Variants in PEX14 observed in about 807,000 individuals in gnomAD.
PEX14 encodes peroxisomal biogenesis factor 14.
PEX14 carries 15 observed loss-of-function variants against 49.5 expected under a neutral mutation model. The ratio of observed to expected loss-of-function variants is 0.30; its 90% CI spans 0.20 to 0.47. The LOEUF is 0.47. Ranked by LOEUF, PEX14 falls within the 20% of genes least tolerant of loss-of-function variation. The probability of loss-of-function intolerance (pLI) is 1.00; values close to 1 mark genes in which losing one functional copy is unlikely to be tolerated. For missense variants in PEX14, 398 were observed against 494.8 expected (o/e 0.80, Z 1.86); for synonymous variants, 210 against 212.7 (o/e 0.99, Z 0.11).
intron 3 of PEX14, among the ~76,000 whole-genome samples, chr1:10,562,457 C>A (rs1036139198): frequency 6.6e-6 from 1 of 152,162 alleles, no homozygotes; most frequent in Non-Finnish European, 1.5e-5. Context: ...GAACAATGTC[C>A]TGCAGTCTTC....
chr1:10,564,401 G>T (rs1444183145), intron 3 of PEX14, among the ~76,000 whole-genome samples: 1 of 149,648 alleles, frequency 6.7e-6, no homozygotes, highest in Non-Finnish European at 1.5e-5. Context: ...TTCAATTATT[G>T]CATTTTACAA....
At chr1:10,533,828 A>G (rs1326966683) in intron 2 of PEX14, among the ~76,000 whole-genome samples, 1 of 152,216 alleles carries the variant, frequency 6.6e-6, no homozygotes, top group African/African-American at 2.4e-5. Context: ...TGCCTACACT[A>G]GGCTGATTAA....
chr1:10,535,613 A>G (rs1246222912), intron 2 of PEX14, among the ~76,000 whole-genome samples: 1 of 152,196 alleles, frequency 6.6e-6, no homozygotes, highest in Non-Finnish European at 1.5e-5. Context: ...TTGGGGAGGC[A>G]GGCTGAACAT....
rs932423962 is a variant in PEX14, at chr1:10,513,694, A to G, written c.84+18373A>G. On this transcript the variant is annotated intron_variant, in intron 2 of 8. Coordinates refer to ENST00000356607, the MANE Select transcript of PEX14 (RefSeq NM_004565.3). ...GCTGAGCTATCCAGCAGGGGTGCCAATTCTTCCATTTAGCTGACTATTATA... is the reference window on the plus strand; with the variant it reads ...GCTGAGCTATCCAGCAGGGGTGCCAGTTCTTCCATTTAGCTGACTATTATA... 3.9e-5 allele frequency among the ~76,000 whole-genome samples: 6 copies of G among 152,202 alleles called. No individual in the cohort carries two copies. In the East Asian group the frequency reaches 7.7e-4, roughly 20 times the overall value.
intron 3 of PEX14, among the ~76,000 whole-genome samples, chr1:10,560,214 T>A (rs1184091636): frequency 2.0e-5 from 3 of 151,620 alleles, no homozygotes; most frequent in African/African-American, 7.3e-5. Flanking sequence ...CCCGCCACCA[T>A]GCCCAGCTAA....
chr1:10,582,922 C>A (rs1013384018), intron 3 of PEX14, among the ~76,000 whole-genome samples: 1 of 151,870 alleles, frequency 6.6e-6, no homozygotes, highest in Non-Finnish European at 1.5e-5. Context: ...TTATTAGGGA[C>A]GGGGGTTTCA....
chr1:10,603,151 G>A (rs1641034379), intron 4 of PEX14, among the ~76,000 whole-genome samples: 1 of 152,214 alleles, frequency 6.6e-6, no homozygotes, highest in South Asian at 2.1e-4. Flanking sequence ...GCAAATGCCA[G>A]TGTTGGCAGA....
intron 3 of PEX14, among the ~76,000 whole-genome samples, chr1:10,578,083 G>A (rs1640204688): frequency 6.6e-6 from 1 of 152,092 alleles, no homozygotes; most frequent in African/African-American, 2.4e-5. Flanking sequence ...TTTTGAGACT[G>A]TGTGTCGGGA....
rs936487875 is a variant in PEX14, at chr1:10,597,558, C to T, written c.170-1680C>T. On this transcript the variant is annotated intron_variant, in intron 3 of 8. Transcript: ENST00000356607. The surrounding 1 kb of genome is among the most constrained non-coding windows in gnomAD (Gnocchi z 5.7). The stretch of plus-strand genomic sequence containing the variant: ...GCAGCAAGCACCCCCTCTCTAGCTC[C>T]ACTCTACTGACCTTCAGCTTTTGTC... Among the ~76,000 whole-genome samples the T allele has an allele frequency of 6.6e-6, 1 of 152,206 alleles. No homozygotes were observed. The highest frequency in any genetic ancestry group is 6.5e-5 in the Admixed American group (1 of 15,286).
intron 4 of PEX14, among the ~76,000 whole-genome samples, chr1:10,609,837 A>G (rs1386746927): frequency 6.6e-6 from 1 of 152,088 alleles, no homozygotes; most frequent in Non-Finnish European, 1.5e-5. Flanking sequence ...GTGAGTTGAG[A>G]TTGCACCATT....
chr1:10,619,602 A>G (rs1013819813), intron 5 of PEX14, among the ~76,000 whole-genome samples: 1 of 151,834 alleles, frequency 6.6e-6, no homozygotes, highest in Non-Finnish European at 1.5e-5. Flanking sequence ...GGCTTGAGCC[A>G]CCGTGCCCGG....
chr1:10,499,694 A>T (rs913208100), intron 2 of PEX14, among the ~76,000 whole-genome samples: 1 of 152,018 alleles, frequency 6.6e-6, no homozygotes, highest in African/African-American at 2.4e-5. Context: ...TGATCTGCCC[A>T]CCTTGGCCTC....
At position 10,540,293 on chromosome 1, in the gene PEX14, T is replaced by A. The variant is rs561403800; in HGVS notation, c.169+3996T>A. The stretch of plus-strand genomic sequence containing the variant: ...AAGGGGGAGTAAATTCTTACACAGA[T>A]TTCAATTTAACTCTCTTTTATTACT... On this transcript the variant is annotated intron_variant, in intron 3 of 8. Transcript: ENST00000356607. Among the ~76,000 whole-genome samples, 3 of 152,322 alleles carry A rather than the reference T, an allele frequency of 2.0e-5. No individual in the cohort carries two copies. The East Asian group carries it at 5.8e-4, about 29-fold the overall frequency.
chr1:10,602,887 G>T (rs994841112), intron 4 of PEX14, among the ~76,000 whole-genome samples: 1 of 152,194 alleles, frequency 6.6e-6, no homozygotes, highest in Non-Finnish European at 1.5e-5. Context: ...ATCCCCGGCA[G>T]CCTTTTCCTT....
chr1:10,577,589 T>A (rs1214845744), intron 3 of PEX14, among the ~76,000 whole-genome samples: 61 of 26,956 alleles, frequency 2.3e-3, no homozygotes, highest in African/African-American at 3.4e-3. Flanking sequence ...TTTTTTTTTT[T>A]TTTTTTTTTT....
At position 10,604,997 on chromosome 1, in the gene PEX14, C is replaced by T. The variant is rs530299774; in HGVS notation, c.298+5631C>T. Among the ~76,000 whole-genome samples, 4 of 152,184 alleles carry T rather than the reference C, an allele frequency of 2.6e-5. No homozygotes were observed. The East Asian group carries it at 5.8e-4, about 22-fold the overall frequency. Reference sequence around the variant, plus strand: ...CTCCTCCAGGGAGTCTTTCCAGTGCCTCCATTCTGACTTGGAGGGAAGCTC... The same window carrying T: ...CTCCTCCAGGGAGTCTTTCCAGTGCTTCCATTCTGACTTGGAGGGAAGCTC... On this transcript the variant is annotated intron_variant, in intron 4 of 8. Coordinates refer to ENST00000356607, the MANE Select transcript of PEX14 (RefSeq NM_004565.3).
In PEX14 at chr1:10,628,315, G is replaced by C. The variant is rs1025458697; in HGVS notation, c.677+952G>C. On this transcript the variant is annotated intron_variant, in intron 8 of 8. Coordinates refer to ENST00000356607, the MANE Select transcript of PEX14 (RefSeq NM_004565.3). The surrounding 1 kb of genome is among the most constrained non-coding windows in gnomAD (Gnocchi z 4.5). ...CCGCAACTGTGGGCCATCCTCCTGGGCTGATGCCCTAGTGGGCCTTGCATG... is the reference window on the plus strand; with the variant it reads ...CCGCAACTGTGGGCCATCCTCCTGGCCTGATGCCCTAGTGGGCCTTGCATG... Among the ~76,000 whole-genome samples the C allele has an allele frequency of 6.6e-6, 1 of 152,378 alleles. No homozygotes were observed. Among genetic ancestry groups the C allele is most frequent in the South Asian group, 2.1e-4 (1 of 4,832 alleles).
intron 3 of PEX14, among the ~76,000 whole-genome samples, chr1:10,560,246 G>A (rs771509149): frequency 3.3e-5 from 5 of 151,768 alleles, no homozygotes; most frequent in Non-Finnish European, 5.9e-5. Context: ...TAGTAGAGAC[G>A]GTGTTTCTCC....
rs572037966 is a variant in PEX14 at position 10,629,615 on chromosome 1, G to A, written c.762G>A (p.Ala254=). The part of the protein sequence containing the change: ...PVKSPSPSSP[A]AVNHHSSSDI... ...AGTCACCGTCACCCTCCAGCCCTGC[G>A]GCCGTGAACCACCACAGCAGCAGCG... is the stretch of plus-strand genomic sequence containing the variant. Residue 254 remains alanine (A), a synonymous_variant, in exon 9 of 9, where the codon GCG becomes GCA. Transcript: ENST00000356607. This position sits in a 1 kb window ranked among gnomAD's most constrained non-coding sequence, Gnocchi z 8.5. The A allele has an allele frequency of 1.4e-5, 22 of 1,613,946 alleles. No homozygotes were observed. The highest frequency in any genetic ancestry group is 1.7e-4 in the Middle Eastern group (1 of 6,060).
Sources: gnomAD v4.1 joint callset for allele counts (sites outside exome capture counted in the v4.1 genomes callset) on GRCh38, gnomAD v4.1.1 for gene constraint, Gnocchi (gnomAD v3.1) non-coding constraint, MANE v1.5 for transcripts, NCBI Gene and HGNC (gene_info 2026-07-23, HGNC 2026-07-21) for gene names.